Variants in KLHL2 observed in about 807,000 individuals in gnomAD.
The protein encoded by KLHL2 is kelch like family member 2, also known as kelch-like protein 2.
A neutral mutation model predicts 75.8 loss-of-function variants in KLHL2; 15 were observed. The observed-to-expected ratio is 0.20, with a 90% confidence interval of 0.13 to 0.30. KLHL2 has a LOEUF of 0.30. Ranked by LOEUF, KLHL2 falls within the 10% of genes least tolerant of loss-of-function variation. KLHL2 has a pLI of 1.00. For synonymous variants in KLHL2, 214 were observed against 251.9 expected (o/e 0.85, Z 1.42); for missense variants, 381 against 741.0 (o/e 0.51, Z 5.64).
chr4:165,267,818 T>C (rs1169476776), intron 5 of KLHL2, among the ~76,000 whole-genome samples: 1 of 152,262 alleles, frequency 6.6e-6, no homozygotes, highest in Non-Finnish European at 1.5e-5. Context: ...AGTATGATGC[T>C]GGCCTCATAA....
intron 14 of KLHL2, among the ~76,000 whole-genome samples, chr4:165,321,747 G>T (rs190779838): frequency 4.6e-4 from 70 of 152,244 alleles, no homozygotes; most frequent in South Asian, 2.1e-3. Flanking sequence ...ATGCTCAAAA[G>T]TTTCTGTGTT....
At chr4:165,237,797 C>T (rs1295712505) in intron 3 of KLHL2, among the ~76,000 whole-genome samples, 1 of 151,846 alleles carries the variant, frequency 6.6e-6, no homozygotes, top group Non-Finnish European at 1.5e-5. Context: ...TCTTTTTTGC[C>T]CATGGCCCTC....
chr4:165,272,825 T>C (rs1028484465), intron 5 of KLHL2, among the ~76,000 whole-genome samples: 4 of 152,308 alleles, frequency 2.6e-5, no homozygotes, highest in African/African-American at 9.6e-5. Flanking sequence ...ATTAGAACAC[T>C]TCTGTTTCTT....
chr4:165,258,142 T>G (rs937508139), intron 4 of KLHL2, among the ~76,000 whole-genome samples: 6 of 152,350 alleles, frequency 3.9e-5, no homozygotes, highest in Middle Eastern at 3.4e-3. Flanking sequence ...CCAAGAGAGA[T>G]ATTTTGGCTT....
chr4:165,257,462 T>C (rs1342627425), intron 4 of KLHL2, among the ~76,000 whole-genome samples: 6 of 152,182 alleles, frequency 3.9e-5, no homozygotes, highest in Non-Finnish European at 8.8e-5. Context: ...GCCCAGTGCA[T>C]CACTGAAGGC....
At chr4:165,308,699 G>A (rs1037190523) in intron 9 of KLHL2, among the ~76,000 whole-genome samples, 16 of 152,138 alleles carry the variant, frequency 1.1e-4, no homozygotes, top group African/African-American at 3.9e-4. Context: ...TATTTTGTGG[G>A]TAGAGAAAGG....
chr4:165,207,927 C>G lies in KLHL2; in HGVS notation c.26+25C>G. The G allele has an allele frequency of 7.1e-7, 1 of 1,399,122 alleles. No individual in the cohort carries two copies. The highest frequency in any genetic ancestry group is 9.4e-7 in the Non-Finnish European group (1 of 1,068,240). The allele number at this position is 1,399,122 out of a possible 1,614,324, so 86.7% of individuals were successfully genotyped here. A position where few individuals can be genotyped will look rare whatever the true frequency, so the allele number is the denominator to read the frequency against. On this transcript the variant is annotated intron_variant, in intron 1 of 14. Transcript: ENST00000226725. This position sits in a 1 kb window ranked among gnomAD's most constrained non-coding sequence, Gnocchi z 4.2. ...CGTGAGTGAGCGGGCGGGCGGGCTG[C>G]GCCGCTGCGGATAAGCGCGCCGCTG...
At chr4:165,221,926 A>C (rs1738028205) in intron 2 of KLHL2, among the ~76,000 whole-genome samples, 1 of 152,206 alleles carries the variant, frequency 6.6e-6, no homozygotes, top group Admixed American at 6.5e-5. Context: ...AAAAGTAAGA[A>C]AAATAGTCTG....
At chr4:165,318,795 A>T (rs1052568292) in intron 14 of KLHL2, among the ~76,000 whole-genome samples, 2 of 151,712 alleles carry the variant, frequency 1.3e-5, no homozygotes, top group African/African-American at 2.4e-5. Context: ...TGTTGGAAAA[A>T]TTTTTTTGGA....
At chr4:165,237,684 G>A (rs1437262496) in intron 3 of KLHL2, among the ~76,000 whole-genome samples, 1 of 152,230 alleles carries the variant, frequency 6.6e-6, no homozygotes, top group Non-Finnish European at 1.5e-5. Flanking sequence ...TTGAGGCTAT[G>A]TTATGGTTTA....
intron 2 of KLHL2, among the ~76,000 whole-genome samples, chr4:165,223,376 G>A (rs746608784): frequency 1.1e-4 from 17 of 152,166 alleles, no homozygotes; most frequent in South Asian, 2.1e-4. Flanking sequence ...AATTCTCATG[G>A]GGAAAATTCA....
chr4:165,227,442 A>G (rs1738524815), intron 2 of KLHL2, among the ~76,000 whole-genome samples: 1 of 152,234 alleles, frequency 6.6e-6, no homozygotes, highest in African/African-American at 2.4e-5. Flanking sequence ...GAAAACTTCA[A>G]GGACTTGGTC....
Position 165,238,898 on chromosome 4 carries a change from A to G in KLHL2, c.380A>G (p.Gln127Arg). ...ATTCAGGTTACAGAAGAAAATGTAC[A>G]GGTAAGAGTAAACACTTCACACCAT... Reference protein sequence around the residue: ...AEIQVTEENVQVLLPAAGLLQ... With the variant: ...AEIQVTEENVRVLLPAAGLLQ... Residue 127 changes from glutamine to arginine, a missense_variant and splice_region_variant, in exon 4 of 15, where the codon CAG becomes CGG. Transcript: ENST00000226725. 6.2e-7 allele frequency: 1 copy of G among 1,612,028 alleles called. No individual in the cohort carries two copies. Among genetic ancestry groups the G allele is most frequent in the Non-Finnish European group, 8.5e-7 (1 of 1,179,590 alleles).
At chr4:165,305,574 A>G (rs1745668955) in intron 8 of KLHL2, 34 bp from the exon 9 acceptor site, 1 of 1,507,912 alleles carries the variant, frequency 6.6e-7, no homozygotes, top group South Asian at 1.1e-5. Flanking sequence ...TGTAATAGTC[A>G]TTTGTTCAAG....
At chr4:165,233,869 T>C (rs890616621) in intron 3 of KLHL2, among the ~76,000 whole-genome samples, 21 of 152,242 alleles carry the variant, frequency 1.4e-4, no homozygotes, top group Admixed American at 1.4e-3. Flanking sequence ...CCACTCAAAC[T>C]GGTTTAAATA....
intron 5 of KLHL2, among the ~76,000 whole-genome samples, chr4:165,273,850 G>A (rs879449855): frequency 1.3e-5 from 2 of 152,346 alleles, no homozygotes; most frequent in Middle Eastern, 6.8e-3. Context: ...TAAGCAAATA[G>A]GAAGTGGGGA....
At position 165,207,827 on chromosome 4, in the gene KLHL2, G is replaced by A; in HGVS notation, c.-50G>A. 1 of 1,431,134 alleles carries A rather than the reference G, an allele frequency of 7.0e-7. No homozygotes were observed. The highest frequency in any genetic ancestry group is 9.2e-7 in the Non-Finnish European group (1 of 1,082,252). The allele number at this position is 1,431,134 out of a possible 1,614,324, so 88.7% of individuals were successfully genotyped here. A position where few individuals can be genotyped will look rare whatever the true frequency, so the allele number is the denominator to read the frequency against. ...TGCCGGCGTCCGCGGCTGGAATGGT[G>A]CTGGCTGTGTTGGTCGGTGCCTGCG... On this transcript the variant is annotated 5_prime_UTR_variant, in exon 1 of 15. Transcript: ENST00000226725. The surrounding 1 kb of genome is among the most constrained non-coding windows in gnomAD (Gnocchi z 4.2).
At chr4:165,209,448 A>G (rs923729018) in intron 1 of KLHL2, 1 of 152,268 alleles carries the variant, frequency 6.6e-6, no homozygotes, top group South Asian at 2.1e-4. Flanking sequence ...GAACAAGGGA[A>G]TACTTAGAAT....
intron 4 of KLHL2, among the ~76,000 whole-genome samples, chr4:165,240,669 C>T (rs982230822): frequency 7.9e-5 from 12 of 152,004 alleles, no homozygotes; most frequent in Non-Finnish European, 2.9e-5. Context: ...TTGTTTTCAA[C>T]AAGAGTTTAT....
Sources: allele counts gnomAD v4.1 joint callset (sites outside exome capture counted in the v4.1 genomes callset), GRCh38; gene constraint gnomAD v4.1.1; non-coding constraint Gnocchi (gnomAD v3.1); transcripts MANE v1.5; gene names NCBI Gene and HGNC (gene_info 2026-07-23, HGNC 2026-07-21).